The following EFCC1 variants were observed in gnomAD, a reference collection of about 807,000 sequenced individuals.
EFCC1 encodes EF-hand and coiled-coil domain containing 1, also known as EF-hand and coiled-coil domain-containing protein 1.
EFCC1 carries 50 observed loss-of-function variants against 52.1 expected under a neutral mutation model. The ratio of observed to expected loss-of-function variants is 0.96; its 90% CI spans 0.76 to 1.21. The LOEUF (loss-of-function observed/expected upper bound fraction) is 1.21. EFCC1 is among the 50% of genes most tolerant of loss of function. EFCC1 has a pLI of 0.00. For synonymous variants in EFCC1, 399 were observed against 396.5 expected, an observed-to-expected ratio of 1.01 and a Z score of -0.08; for missense variants, 837 against 867.3, an observed-to-expected ratio of 0.97 and a Z score of 0.44.
intron 7 of EFCC1, among the ~76,000 whole-genome samples, 153 bp from the exon 8 acceptor site, chr3:129,039,559 G>T (rs952085243): frequency 6.6e-6 from 1 of 152,222 alleles, no homozygotes; most frequent in African/African-American, 2.4e-5. Flanking sequence ...AGGGTCCTCA[G>T]GGGGAGGTGG....
At chr3:129,013,148 C>T (rs997506787) in intron 2 of EFCC1, among the ~76,000 whole-genome samples, 5 of 151,888 alleles carry the variant, frequency 3.3e-5, no homozygotes, top group Admixed American at 1.3e-4. Context: ...AGACCCAAGC[C>T]GGGTGAGCTC....
intron 2 of EFCC1, among the ~76,000 whole-genome samples, chr3:129,024,836 G>A (rs942034511): frequency 1.3e-5 from 2 of 152,198 alleles, no homozygotes; most frequent in African/African-American, 4.8e-5. Context: ...GTGAACTTTG[G>A]GGGACACATT....
chr3:129,013,063 T>C (rs111642304), intron 2 of EFCC1, among the ~76,000 whole-genome samples: 113 of 152,324 alleles, frequency 7.4e-4, no homozygotes, highest in African/African-American at 2.6e-3. Context: ...TGGCTTGTCC[T>C]GTAGCTCCAG....
intron 6 of EFCC1, among the ~76,000 whole-genome samples, chr3:129,037,842 C>G (rs1321661461): frequency 6.6e-6 from 1 of 150,610 alleles, no homozygotes; most frequent in African/African-American, 2.5e-5. Context: ...GGGTGGATCG[C>G]TTGAGCTCAG....
chr3:129,035,755 A>G (rs564707749), intron 5 of EFCC1, among the ~76,000 whole-genome samples: 30 of 152,310 alleles, frequency 2.0e-4, no homozygotes, highest in Non-Finnish European at 4.0e-4. Context: ...ACCAAGTAGC[A>G]TGGCATGGCG....
rs539604766 is a variant in EFCC1, at chr3:129,032,909, A to C, written c.1229A>C (p.Lys410Thr). 152 of 1,551,114 alleles carry C rather than the reference A, an allele frequency of 9.8e-5. 1 individual carries two copies. In the South Asian group the frequency reaches 1.1e-3, roughly 12 times the overall value. Residue 410 changes from lysine (K) to threonine (T), a missense_variant, in exon 4 of 8, where the codon AAG becomes ACG. Physicochemically the swap from Lys to Thr is moderately conservative, Grantham distance 78. Transcript: ENST00000683648. Reference protein sequence around the residue: ...VEEERWQEEKKTPAAEAKTLL... With the variant: ...VEEERWQEEKTTPAAEAKTLL... ...GAGGAGAGGTGGCAGGAGGAGAAGA[A>C]GACGCCGGCAGCCGAGGCCAAGACA... is the stretch of plus-strand genomic sequence containing the variant.
chr3:129,035,946 C>T (rs1371310077), intron 5 of EFCC1, among the ~76,000 whole-genome samples: 3 of 152,188 alleles, frequency 2.0e-5, no homozygotes, highest in Non-Finnish European at 4.4e-5. Context: ...AGCAAACATG[C>T]GCCACGGCTG....
At chr3:129,006,810 CG>C (rs928454310) in intron 2 of EFCC1, among the ~76,000 whole-genome samples, 3 of 152,202 alleles carry the variant, frequency 2.0e-5, no homozygotes, top group Admixed American at 6.5e-5. Flanking sequence ...CTACCTTGCC[CG>C]GGGGGCTGAC....
At chr3:129,024,423 C>T (rs1255496875) in intron 2 of EFCC1, among the ~76,000 whole-genome samples, 1 of 151,258 alleles carries the variant, frequency 6.6e-6, no homozygotes, top group Non-Finnish European at 1.5e-5. Flanking sequence ...CCCAACTACT[C>T]GGGAGGCTGA....
rs551037684 is a variant in EFCC1, at chr3:129,010,397, G to C, written c.980+6320G>C. On this transcript the variant is annotated intron_variant, in intron 2 of 7. Coordinates refer to ENST00000683648, the MANE Select transcript of EFCC1 (RefSeq NM_001377500.1). This position sits in a 1 kb window ranked among gnomAD's most constrained non-coding sequence, Gnocchi z 4.3. ...CTGGGCAGGGGCTGGTGCCCAAAAA[G>C]ACAGAAGAGACAGAGAGCCAGCTCA... Among the ~76,000 whole-genome samples the C allele has an allele frequency of 2.0e-5, 3 of 152,316 alleles. No individual in the cohort carries two copies. In the East Asian group the frequency reaches 5.8e-4, roughly 29 times the overall value.
At chr3:129,018,870 G>A (rs1945705411) in intron 2 of EFCC1, among the ~76,000 whole-genome samples, 3 of 152,256 alleles carry the variant, frequency 2.0e-5, no homozygotes, top group South Asian at 4.1e-4. Context: ...CTCCCCACTC[G>A]GCGCTGGAGT....
intron 2 of EFCC1, among the ~76,000 whole-genome samples, chr3:129,027,672 C>T (rs1226810373): frequency 2.0e-5 from 3 of 152,138 alleles, no homozygotes; most frequent in Non-Finnish European, 4.4e-5. Context: ...AATGGGGACT[C>T]AGGGCGGGTG....
chr3:129,020,692 G>C (rs865829331), intron 2 of EFCC1, among the ~76,000 whole-genome samples: 1 of 152,158 alleles, frequency 6.6e-6, no homozygotes, highest in South Asian at 2.1e-4. Flanking sequence ...TGAAAGACTT[G>C]GTAAGGCACG....
intron 2 of EFCC1, among the ~76,000 whole-genome samples, chr3:129,012,194 G>C (rs545069199): frequency 6.6e-6 from 1 of 152,336 alleles, no homozygotes; most frequent in South Asian, 2.1e-4. Flanking sequence ...AGCTCAACTT[G>C]CTTGTGCCTC....
rs376694710 is a variant in EFCC1, at chr3:129,019,342, G to A, written c.981-11361G>A. Among the ~76,000 whole-genome samples the A allele has an allele frequency of 1.2e-3, 177 of 152,320 alleles. 3 individuals are homozygous for A. In the South Asian group the frequency reaches 0.034, roughly 29 times the overall value. ...CCAGCTTTAAGTTTGTCCTGGGTAGGTTTAGGTTTAGCGAGGGCTGGCTAC... is the reference window on the plus strand; with the variant it reads ...CCAGCTTTAAGTTTGTCCTGGGTAGATTTAGGTTTAGCGAGGGCTGGCTAC... On this transcript the variant is annotated intron_variant, in intron 2 of 7. Coordinates refer to ENST00000683648, the MANE Select transcript of EFCC1 (RefSeq NM_001377500.1).
At chr3:129,009,861 C>T (rs1945239948) in intron 2 of EFCC1, among the ~76,000 whole-genome samples, 4 of 152,272 alleles carry the variant, frequency 2.6e-5, no homozygotes, top group African/African-American at 4.8e-5. Context: ...GGAGTGGTTT[C>T]GGGGGGACTC....
In EFCC1 at chr3:129,034,178, C is replaced by T. The variant is rs746568535; in HGVS notation, c.1301C>T (p.Thr434Met). The T allele has an allele frequency of 1.7e-5, 28 of 1,614,098 alleles. No homozygotes were observed. Among genetic ancestry groups the T allele is most frequent in the Middle Eastern group, 3.3e-4 (2 of 6,084 alleles). Residue 434 changes from threonine (T) to methionine (M), a missense_variant, in exon 5 of 8, where the codon ACG becomes ATG. Thr to Met is a moderately conservative substitution (Grantham distance 81, BLOSUM62 -1). Coordinates refer to ENST00000683648, the MANE Select transcript of EFCC1 (RefSeq NM_001377500.1). Reference protein sequence around the residue: ...SSCRGRCDDQTAEKLMTYFGH... With the variant: ...SSCRGRCDDQMAEKLMTYFGH... ...CTTTGCTGCAGGTGTGATGACCAGA[C>T]GGCGGAGAAGCTCATGACTTACTTT...
intron 1 of EFCC1, chr3:129,003,351 G>C: frequency 2.1e-6 from 2 of 931,150 alleles, no homozygotes; most frequent in South Asian, 9.9e-5. Flanking sequence ...CACCAGTAAA[G>C]ACAGATAGAA....
Position 129,001,462 on chromosome 3 carries a change from G to A in EFCC1, c.-167G>A, listed in dbSNP as rs1241523426. On this transcript the variant is annotated 5_prime_UTR_variant, in exon 1 of 8. Transcript: ENST00000683648. ...CCTCCAAAGCAACTGGGGTAAACCA[G>A]ACGCACTGTGAGGCCAGCGCAGCTG... 6.6e-6 allele frequency among the ~76,000 whole-genome samples: 1 copy of A among 152,240 alleles called. No individual in the cohort carries two copies. Among genetic ancestry groups the A allele is most frequent in the African/African-American group, 2.4e-5 (1 of 41,468 alleles).
Sources: gnomAD v4.1 joint callset for allele counts (sites outside exome capture counted in the v4.1 genomes callset) on GRCh38, gnomAD v4.1.1 for gene constraint, Gnocchi (gnomAD v3.1) non-coding constraint, MANE v1.5 for transcripts, NCBI Gene and HGNC (gene_info 2026-07-23, HGNC 2026-07-21) for gene names.